Variants in GLDN observed in about 807,000 individuals in gnomAD.
GLDN encodes the protein gliomedin.
Under a neutral mutation model 56.5 loss-of-function variants are expected in GLDN, and 47 were observed. The ratio of observed to expected loss-of-function variants is 0.83; its 90% confidence interval spans 0.66 to 1.06. GLDN has a LOEUF of 1.06. GLDN is among the 50% of genes least tolerant of loss of function. GLDN has a pLI of 0.00. For synonymous variants in GLDN, 332 were observed against 278.8 expected (o/e 1.19, Z -1.90); for missense variants, 782 against 714.3 (o/e 1.09, Z -1.08).
rs995205668 is a variant in GLDN, at chr15:51,405,433, TAGAG to T, written c.*686_*689del. The T allele has an allele frequency of 2.7e-5, 4 of 149,170 alleles. No individual in the cohort carries two copies. Among genetic ancestry groups the T allele is most frequent in the East Asian group, 4.0e-4 (2 of 5,002 alleles). 9.2% of individuals were successfully genotyped at this position (149,170 alleles called of 1,614,324 possible). ...ATTTTTTTTCTTTTCTTATTTTAAA[TAGAG>T]AGAGAGTCTTGCTATGTTTCCCAGG... On this transcript the variant is annotated 3_prime_UTR_variant, in exon 10 of 10. Coordinates refer to ENST00000335449, the MANE Select transcript of GLDN (RefSeq NM_181789.4).
At chr15:51,357,544 A>C (rs371772952) in intron 1 of GLDN, among the ~76,000 whole-genome samples, 1 of 152,186 alleles carries the variant, frequency 6.6e-6, no homozygotes, top group Non-Finnish European at 1.5e-5. Context: ...GCTTTCTGGG[A>C]GAGGGCTCTC....
rs765905379 is a variant in GLDN, at chr15:51,407,635, C to T, written c.*2881C>T. ...GTAGGTGGTTCTGGTCTCCAAGTAT[C>T]GTTAAGCACAGGTGCTATGACAGAA... is the stretch of plus-strand genomic sequence containing the variant. On this transcript the variant is annotated 3_prime_UTR_variant, in exon 10 of 10. Transcript: ENST00000335449. 1.3e-5 allele frequency: 2 copies of T among 152,194 alleles called. No individual in the cohort carries two copies. The highest frequency in any genetic ancestry group is 4.8e-5 in the African/African-American group (2 of 41,434). The allele number at this position is 152,194 out of a possible 1,614,324, so 9.4% of individuals were successfully genotyped here.
chr15:51,400,603 A>T, intron 8 of GLDN, 105 bp downstream of exon 8: 6 of 1,206,344 alleles, frequency 5.0e-6, no homozygotes, highest in Non-Finnish European at 7.0e-6. Context: ...AATCCCCGGT[A>T]GCTGGTGTAA....
intron 5 of GLDN, among the ~76,000 whole-genome samples, chr15:51,396,786 A>G (rs1053187344): frequency 1.3e-5 from 2 of 152,196 alleles, no homozygotes; most frequent in Non-Finnish European, 2.9e-5. Context: ...ATTGTTTACC[A>G]GGCACTGTGC....
chr15:51,388,280 G>A (rs897226546), intron 4 of GLDN, among the ~76,000 whole-genome samples: 2 of 151,960 alleles, frequency 1.3e-5, no homozygotes, highest in Non-Finnish European at 2.9e-5. Flanking sequence ...TCCCCAAGTG[G>A]GATCAATCAA....
chr15:51,397,504 TGGGCCCCCAGGCCCTCCAGGTCCTCCA>T lies in GLDN; in HGVS notation c.732_758del (p.Pro246_Gly254del). ...GTGACCAAGGCCCACCCGGTCCACC[TGGGCCCCCAGGCCCTCCAGGTCCTCCA>T]GGGCCCCCTGGAAGCAGAAGAGCCA... On this transcript the variant is annotated inframe_deletion, in exon 6 of 10. Transcript: ENST00000335449. 1 of 1,577,170 alleles carries T rather than the reference TGGGCCCCCAGGCCCTCCAGGTCCTCCA, an allele frequency of 6.3e-7. No individual in the cohort carries two copies. Among genetic ancestry groups the T allele is most frequent in the Non-Finnish European group, 8.6e-7 (1 of 1,159,998 alleles).
At chr15:51,393,178 T>C (rs953249027) in intron 4 of GLDN, among the ~76,000 whole-genome samples, 33 of 152,246 alleles carry the variant, frequency 2.2e-4, no homozygotes, top group Admixed American at 1.8e-3. Flanking sequence ...GAGATGATCA[T>C]ATAATTTTTC....
At chr15:51,364,113 T>A in intron 1 of GLDN, among the ~76,000 whole-genome samples, 1 of 152,188 alleles carries the variant, frequency 6.6e-6, no homozygotes, top group African/African-American at 2.4e-5. Flanking sequence ...ATCTATGGGT[T>A]TATAGTTTTA....
At chr15:51,368,203 T>G (rs115770338) in intron 1 of GLDN, among the ~76,000 whole-genome samples, 1 of 152,146 alleles carries the variant, frequency 6.6e-6, no homozygotes, top group Non-Finnish European at 1.5e-5. Context: ...CTTGATGCCA[T>G]TCTGGTGCTG....
downstream of GLDN, among the ~76,000 whole-genome samples, chr15:51,409,802 T>C (rs2038446892): frequency 6.6e-6 from 1 of 152,216 alleles, no homozygotes. Flanking sequence ...GGAAACACTG[T>C]TCCTGACTTT....
intron 1 of GLDN, among the ~76,000 whole-genome samples, chr15:51,362,684 TTC>T (rs1225818028): frequency 1.3e-5 from 2 of 152,098 alleles, no homozygotes; most frequent in Non-Finnish European, 2.9e-5. Context: ...TCACTCTGAC[TTC>T]TCAATGATGA....
intron 1 of GLDN, 95 bp downstream of exon 1, chr15:51,342,142 G>A: frequency 9.0e-7 from 1 of 1,113,934 alleles, no homozygotes; most frequent in Non-Finnish European, 1.2e-6. Flanking sequence ...CCCTGGCCAG[G>A]CTGCGAGGTG....
At chr15:51,361,830 T>C (rs1213612659) in intron 1 of GLDN, among the ~76,000 whole-genome samples, 1 of 152,134 alleles carries the variant, frequency 6.6e-6, no homozygotes, top group Non-Finnish European at 1.5e-5. Flanking sequence ...CTCAGGAGGC[T>C]GAGATAGGAG....
In GLDN at chr15:51,404,870, G is replaced by C. The variant is rs1489772084; in HGVS notation, c.*116G>C. On this transcript the variant is annotated 3_prime_UTR_variant, in exon 10 of 10. Transcript: ENST00000335449. The stretch of plus-strand genomic sequence containing the variant: ...AGATATTTAGAAAATAACCTCAAAA[G>C]TGTTTATATGGTCAGTGAGCCCCGC... 4.4e-6 allele frequency: 3 copies of C among 676,106 alleles called. No homozygotes were observed. Among genetic ancestry groups the C allele is most frequent in the South Asian group, 1.8e-5 (1 of 56,922 alleles). The allele number at this position is 676,106 out of a possible 1,614,324, so 41.9% of individuals were successfully genotyped here.
intron 1 of GLDN, among the ~76,000 whole-genome samples, chr15:51,375,925 G>A (rs2037620600): frequency 6.6e-6 from 1 of 152,178 alleles, no homozygotes; most frequent in Admixed American, 6.5e-5. Context: ...AGATGCTGTG[G>A]GGGCTGGCTC....
At chr15:51,383,381 C>T (rs2037809459) in intron 2 of GLDN, 55 bp from the exon 3 acceptor site, 13 of 1,601,080 alleles carry the variant, frequency 8.1e-6, no homozygotes, top group Middle Eastern at 1.7e-4. Flanking sequence ...CGGGGGTGCT[C>T]TTTGTTTTCT....
chr15:51,403,902 T>A (rs1244751860), intron 9 of GLDN, among the ~76,000 whole-genome samples: 1 of 152,190 alleles, frequency 6.6e-6, no homozygotes, highest in Non-Finnish European at 1.5e-5. Flanking sequence ...ACAGCCCCCT[T>A]GCAGCTCTAA....
intron 6 of GLDN, among the ~76,000 whole-genome samples, chr15:51,399,597 T>C (rs73397537): frequency 0.026 from 4,020 of 152,240 alleles, 155 homozygotes; most frequent in African/African-American, 0.092. Context: ...TTCTCTAGGC[T>C]CTTAGACAGA....
In GLDN at chr15:51,397,522, A is replaced by G; in HGVS notation, c.741A>G (p.Pro247=). 1 of 1,597,242 alleles carries G rather than the reference A, an allele frequency of 6.3e-7. No homozygotes were observed. Among genetic ancestry groups the G allele is most frequent in the Non-Finnish European group, 8.5e-7 (1 of 1,170,940 alleles). The change falls in exon 6 of 10, where the codon CCA becomes CCG. Residue 247 remains proline (P), a synonymous_variant. Coordinates refer to ENST00000335449, the MANE Select transcript of GLDN (RefSeq NM_181789.4). ...GTCCACCTGGGCCCCCAGGCCCTCC[A>G]GGTCCTCCAGGGCCCCCTGGAAGCA... ...PPGPPGPPGP[P]GPPGPPGSRR...
Sources: gnomAD v4.1 joint callset for allele counts (sites outside exome capture counted in the v4.1 genomes callset) on GRCh38, gnomAD v4.1.1 for gene constraint, MANE v1.5 for transcripts, NCBI Gene and HGNC (gene_info 2026-07-23, HGNC 2026-07-21) for gene names.